The following APPBP2 variants were observed in gnomAD, a reference collection of about 807,000 sequenced individuals.
APPBP2 encodes amyloid beta precursor protein binding protein 2, also known as amyloid protein-binding protein 2.
APPBP2 carries 15 observed loss-of-function variants against 76.0 expected under a neutral mutation model. The ratio of observed to expected loss-of-function variants is 0.20; its 90% CI spans 0.13 to 0.30. The LOEUF is 0.30. Ranked by LOEUF, APPBP2 falls within the 10% of genes least tolerant of loss-of-function variation. The pLI is 1.00. For synonymous variants in APPBP2, 222 were observed against 242.2 expected (o/e 0.92, Z 0.77); for missense variants, 401 against 687.2 (o/e 0.58, Z 4.66).
At chr17:60,479,351 T>G in intron 3 of APPBP2, 80 bp from the exon 4 acceptor site, 1 of 1,362,012 alleles carries the variant, frequency 7.3e-7, no homozygotes, top group Non-Finnish European at 9.9e-7. Flanking sequence ...CAGTGAATAT[T>G]ACCTAAATTA....
At chr17:60,482,678 TG>T (rs1185279121) in intron 3 of APPBP2, among the ~76,000 whole-genome samples, 1 of 152,140 alleles carries the variant, frequency 6.6e-6, no homozygotes, top group Non-Finnish European at 1.5e-5. Flanking sequence ...TGAGAACATG[TG>T]GTATTTGGTT....
intron 3 of APPBP2, among the ~76,000 whole-genome samples, chr17:60,483,509 T>C (rs562612489): frequency 1.6e-4 from 25 of 152,286 alleles, no homozygotes; most frequent in African/African-American, 6.0e-4. Flanking sequence ...TTCTCCTGCC[T>C]GAGCCTCCCA....
At chr17:60,520,080 G>A (rs1347688863) in intron 1 of APPBP2, among the ~76,000 whole-genome samples, 3 of 151,800 alleles carry the variant, frequency 2.0e-5, no homozygotes, top group African/African-American at 7.3e-5. Context: ...CACCATGCCC[G>A]GCCATCAGTG....
intron 2 of APPBP2, among the ~76,000 whole-genome samples, chr17:60,495,774 T>C (rs541580441): frequency 9.9e-5 from 15 of 152,224 alleles, no homozygotes; most frequent in African/African-American, 3.4e-4. Flanking sequence ...TACCATATTA[T>C]ACACCCTAGG....
At chr17:60,521,708 C>T (rs1228186192) in intron 1 of APPBP2, among the ~76,000 whole-genome samples, 1 of 152,198 alleles carries the variant, frequency 6.6e-6, no homozygotes, top group Non-Finnish European at 1.5e-5. Flanking sequence ...TGAGCCACTG[C>T]ACCTAGCCCC....
intron 3 of APPBP2, among the ~76,000 whole-genome samples, chr17:60,485,420 T>C (rs1223980319): frequency 1.3e-5 from 2 of 152,190 alleles, no homozygotes; most frequent in Admixed American, 1.3e-4. Context: ...TTCTTTCTGG[T>C]TTAGTCTTGG....
intron 4 of APPBP2, among the ~76,000 whole-genome samples, chr17:60,472,001 C>A (rs2090556133): frequency 6.6e-6 from 1 of 152,154 alleles, no homozygotes; most frequent in African/African-American, 2.4e-5. Context: ...TGGTGGGAGC[C>A]TGTAATCCCA....
chr17:60,508,225 A>ATGATGAAGG (rs1247132982), intron 1 of APPBP2, among the ~76,000 whole-genome samples: 1 of 152,194 alleles, frequency 6.6e-6, no homozygotes, highest in Non-Finnish European at 1.5e-5. Context: ...CACAGATTAT[A>ATGATGAAGG]TGATGAAGGT....
intron 12 of APPBP2, among the ~76,000 whole-genome samples, chr17:60,449,193 T>C (rs1182623291): frequency 1.3e-5 from 2 of 152,196 alleles, no homozygotes; most frequent in Non-Finnish European, 2.9e-5. Context: ...TTAAACTACA[T>C]GCACTTGAGG....
chr17:60,459,772 G>C (rs560412444), intron 9 of APPBP2: 1 of 152,446 alleles, frequency 6.6e-6, no homozygotes, highest in African/African-American at 2.4e-5. Flanking sequence ...GATTACAGGC[G>C]TGAGCCACCA....
Position 60,466,337 on chromosome 17 carries a change from T to C in APPBP2, c.626A>G (p.Tyr209Cys), listed in dbSNP as rs140223877. 3.0e-5 allele frequency: 48 copies of C among 1,614,088 alleles called. No individual in the cohort carries two copies. The highest frequency in any genetic ancestry group is 3.6e-5 in the Non-Finnish European group (42 of 1,180,000). The change falls in exon 5 of 13, where the codon TAT (tyrosine) becomes TGT (cysteine). Residue 209 changes from tyrosine (Y) to cysteine (C), a missense_variant. Tyr to Cys is a radical substitution (Grantham distance 194, BLOSUM62 -2). Transcript: ENST00000083182. ...HGQQANKAAL[Y>C]GELCALLFAK... The stretch of plus-strand genomic sequence containing the variant: ...AAATAGGAGTGCACACAGTTCTCCA[T>C]AGAGTGCAGCTTTATTTGCTTGCTG...
At position 60,461,806 on chromosome 17, in the gene APPBP2, A is replaced by G. The variant is rs759407232; in HGVS notation, c.936+4T>C. On this transcript the variant is annotated splice_donor_region_variant and intron_variant, in intron 8 of 12. Transcript: ENST00000083182. The stretch of plus-strand genomic sequence containing the variant: ...AAAGAAAAAAAGGGTAACCATTAAC[A>G]TACCTGATAAATTGCAACAGACTGA... The G allele has an allele frequency of 2.5e-6, 4 of 1,591,780 alleles. No homozygotes were observed. The highest frequency in any genetic ancestry group is 1.1e-5 in the South Asian group (1 of 88,778).
intron 2 of APPBP2, among the ~76,000 whole-genome samples, chr17:60,495,382 A>G (rs1446942466): frequency 6.6e-6 from 1 of 151,922 alleles, no homozygotes; most frequent in Admixed American, 6.6e-5. Flanking sequence ...ATGCAAACCA[A>G]AATCATGAGA....
intron 1 of APPBP2, among the ~76,000 whole-genome samples, chr17:60,517,489 G>A (rs2090972315): frequency 6.6e-6 from 1 of 152,080 alleles, no homozygotes; most frequent in African/African-American, 2.4e-5. Context: ...AATCTTTGCT[G>A]ACATAAAATT....
At chr17:60,494,687 T>C in intron 2 of APPBP2, 70 bp from the exon 3 acceptor site, 1 of 1,335,662 alleles carries the variant, frequency 7.5e-7, no homozygotes. Context: ...TGCTAACTGC[T>C]TCTCTTTTAA....
chr17:60,481,858 A>G (rs1598358046), intron 3 of APPBP2, among the ~76,000 whole-genome samples: 2 of 152,344 alleles, frequency 1.3e-5, no homozygotes, highest in Middle Eastern at 6.8e-3. Flanking sequence ...TAATAGAAGT[A>G]TCAATCCAGT....
chr17:60,493,718 C>A (rs956158068), intron 3 of APPBP2, among the ~76,000 whole-genome samples: 1 of 146,846 alleles, frequency 6.8e-6, no homozygotes, highest in Non-Finnish European at 1.5e-5. Flanking sequence ...AGGCTCAATG[C>A]AACCTCCACC....
chr17:60,487,854 T>C (rs2090693096), intron 3 of APPBP2, among the ~76,000 whole-genome samples: 1 of 152,244 alleles, frequency 6.6e-6, no homozygotes, highest in African/African-American at 2.4e-5. Flanking sequence ...TGGTCTTTGA[T>C]GATGGTGACC....
At chr17:60,493,073 A>C (rs550713592) in intron 3 of APPBP2, among the ~76,000 whole-genome samples, 1 of 152,190 alleles carries the variant, frequency 6.6e-6, no homozygotes, top group Non-Finnish European at 1.5e-5. Context: ...TGATGGTTTT[A>C]TAAGGGGTTT....
Sources: allele counts gnomAD v4.1 joint callset (sites outside exome capture counted in the v4.1 genomes callset), GRCh38; gene constraint gnomAD v4.1.1; transcripts MANE v1.5; gene names NCBI Gene and HGNC (gene_info 2026-07-23, HGNC 2026-07-21).